Variants in PANK2 observed in about 807,000 individuals in gnomAD.
PANK2 encodes the protein pantothenate kinase 2, mitochondrial.
PANK2 carries 36 observed loss-of-function variants against 43.1 expected under a neutral mutation model. The ratio of observed to expected loss-of-function variants is 0.84; its 90% CI spans 0.64 to 1.10. The LOEUF is 1.10. PANK2 is among the 50% of genes least tolerant of loss of function. PANK2 has a pLI of 0.00. For synonymous variants in PANK2, 281 were observed against 238.2 expected (o/e 1.18, Z -1.66); for missense variants, 576 against 593.3 (o/e 0.97, Z 0.30).
In PANK2 at chr20:3,927,305, A is replaced by C. The variant is rs2090736091; in HGVS notation, c.*4011A>C. 6.6e-6 allele frequency: 1 copy of C among 152,208 alleles called. No individual in the cohort carries two copies. The highest frequency in any genetic ancestry group is 2.4e-5 in the African/African-American group (1 of 41,454). 9.4% of individuals were successfully genotyped at this position (152,208 alleles called of 1,614,324 possible). ...CCCTCTGTTCAAAGGCATATGCACA[A>C]CACTATTTTTCAAAATTTGCTTTTA... On this transcript the variant is annotated 3_prime_UTR_variant, in exon 7 of 7. Transcript: ENST00000610179.
At chr20:3,903,581 TC>T (rs1279833648) in intron 1 of PANK2, among the ~76,000 whole-genome samples, 2 of 149,078 alleles carry the variant, frequency 1.3e-5, no homozygotes, top group African/African-American at 4.9e-5. Context: ...TTCTCCTGCC[TC>T]AGCCTCCCAA....
chr20:3,925,053 G>C lies in PANK2; in HGVS notation c.*1759G>C, dbSNP rs1161796904. On this transcript the variant is annotated 3_prime_UTR_variant, in exon 7 of 7. Coordinates refer to ENST00000610179, the MANE Select transcript of PANK2 (RefSeq NM_001386393.1). The stretch of plus-strand genomic sequence containing the variant: ...GAGTAAGGCTGCCCAGGGTCACTCA[G>C]CTGGAAAAGAGTAGAGCTGGACTCA... The C allele has an allele frequency of 6.6e-6, 1 of 152,386 alleles. No individual in the cohort carries two copies. Among genetic ancestry groups the C allele is most frequent in the Admixed American group, 6.5e-5 (1 of 15,286 alleles). 9.4% of individuals were successfully genotyped at this position (152,386 alleles called of 1,614,324 possible).
chr20:3,889,910 CGGG>C, intron 1 of PANK2, 182 bp downstream of exon 1: 1 of 1,532,170 alleles, frequency 6.5e-7, no homozygotes, highest in Admixed American at 2.0e-5. Context: ...GCGGTACCTT[CGGG>C]GGCCCCCCCG....
intron 6 of PANK2, among the ~76,000 whole-genome samples, chr20:3,922,995 C>G (rs1310566182): frequency 6.6e-6 from 1 of 152,146 alleles, no homozygotes; most frequent in Non-Finnish European, 1.5e-5. Context: ...GCCCTCACTG[C>G]GGGTTTGGTT....
rs748467775 is a variant in PANK2 at position 3,908,014 on chromosome 20, G to T, written c.387G>T (p.Glu129Asp). ...AAGACATCACTGCTGAAGAAGAAGA[G>T]GAAGAAGTGGAAAGTCTTAAAAGCA... The change falls in exon 2 of 7, where the codon GAG (glutamate) becomes GAT (aspartate). Residue 129 changes from glutamate to aspartate, a missense_variant. Transcript: ENST00000610179. 6.8e-6 allele frequency: 11 copies of T among 1,614,146 alleles called. No homozygotes were observed. In the South Asian group the frequency reaches 1.2e-4, roughly 18 times the overall value.
intron 4 of PANK2, among the ~76,000 whole-genome samples, chr20:3,916,290 T>C (rs1027000380): frequency 6.6e-6 from 1 of 152,222 alleles, no homozygotes; most frequent in Non-Finnish European, 1.5e-5. Context: ...CTTTTACTAA[T>C]AGAAAAATCA....
At chr20:3,912,344 C>A in intron 3 of PANK2, 114 bp from the exon 4 acceptor site, 1 of 1,117,966 alleles carries the variant, frequency 8.9e-7, no homozygotes, top group Non-Finnish European at 1.3e-6. Context: ...CTACCAGTGG[C>A]ATTTGCATGA....
intron 5 of PANK2, among the ~76,000 whole-genome samples, chr20:3,918,255 AT>A (rs1162009208): frequency 2.6e-5 from 4 of 151,694 alleles, no homozygotes; most frequent in Non-Finnish European, 5.9e-5. Flanking sequence ...TAGGTCTAAA[AT>A]TTTACTTTTG....
intron 2 of PANK2, among the ~76,000 whole-genome samples, chr20:3,910,027 A>G (rs893916713): frequency 6.6e-6 from 1 of 152,182 alleles, no homozygotes; most frequent in African/African-American, 2.4e-5. Context: ...CCTCCCTCCC[A>G]AGAGGCTGTA....
intron 1 of PANK2, among the ~76,000 whole-genome samples, chr20:3,903,695 T>G (rs941418006): frequency 1.3e-5 from 2 of 150,614 alleles, no homozygotes; most frequent in Non-Finnish European, 3.0e-5. Context: ...TGGTGTGATC[T>G]CGGCTCACTG....
chr20:3,902,606 AG>A (rs2090319578), intron 1 of PANK2, among the ~76,000 whole-genome samples: 1 of 149,968 alleles, frequency 6.7e-6, no homozygotes, highest in Non-Finnish European at 1.5e-5. Flanking sequence ...TTTAAAGTAG[AG>A]ATGGGGTCTG....
Position 3,910,578 on chromosome 20 carries a change from T to C in PANK2, c.653T>C (p.Ile218Thr), listed in dbSNP as rs1482525989. 1.2e-6 allele frequency: 2 copies of C among 1,614,108 alleles called. No individual in the cohort carries two copies. The highest frequency in any genetic ancestry group is 2.2e-5 in the South Asian group (2 of 91,076). Residue 218 changes from isoleucine (I) to threonine (T), a missense_variant and splice_region_variant, in exon 3 of 7, where the codon ATA (isoleucine) becomes ACA (threonine). Transcript: ENST00000610179. ...GAGTACATTCTTATTTCATTACAGATAGGTGATCTTCAGCTTTGCAAACTG... is the reference window on the plus strand; with the variant it reads ...GAGTACATTCTTATTTCATTACAGACAGGTGATCTTCAGCTTTGCAAACTG...
chr20:3,899,498 A>G (rs553625564), intron 1 of PANK2, among the ~76,000 whole-genome samples: 4 of 145,896 alleles, frequency 2.7e-5, no homozygotes, highest in South Asian at 4.3e-4. Flanking sequence ...CCAGAGTTCT[A>G]TTTGTGTTTA....
intron 1 of PANK2, among the ~76,000 whole-genome samples, chr20:3,893,651 T>A (rs1475758589): frequency 6.6e-6 from 1 of 152,172 alleles, no homozygotes; most frequent in Non-Finnish European, 1.5e-5. Context: ...GATTTTGGAC[T>A]CCTACAAATC....
At chr20:3,889,232 T>G, upstream of PANK2, 1 of 1,613,338 alleles carries the variant, frequency 6.2e-7, no homozygotes, top group South Asian at 1.1e-5. Context: ...CCCCGCCCCG[T>G]CACGATAGCC....
upstream of PANK2, chr20:3,888,959 G>GTTAT: frequency 3.4e-6 from 2 of 580,812 alleles, no homozygotes; most frequent in Admixed American, 3.5e-5. Flanking sequence ...CAGACGCTGC[G>GTTAT]GGAGCACTGC....
upstream of PANK2, chr20:3,889,118 C>T: frequency 6.4e-7 from 1 of 1,550,832 alleles, no homozygotes; most frequent in South Asian, 1.2e-5. Context: ...GGCTCGGGCC[C>T]TTCCACCCAC....
intron 5 of PANK2, 98 bp from the exon 6 acceptor site, chr20:3,918,573 T>C: frequency 6.5e-7 from 1 of 1,528,944 alleles, no homozygotes; most frequent in Non-Finnish European, 9.1e-7. Flanking sequence ...AGTCAAATTG[T>C]TGCTAAGAGC....
At chr20:3,892,419 A>T (rs971490372) in intron 1 of PANK2, among the ~76,000 whole-genome samples, 5 of 151,496 alleles carry the variant, frequency 3.3e-5, no homozygotes, top group Non-Finnish European at 5.9e-5. Flanking sequence ...CTTATCTCTG[A>T]GAGAATTCAA....
Sources: gnomAD v4.1 joint callset for allele counts (sites outside exome capture counted in the v4.1 genomes callset) on GRCh38, gnomAD v4.1.1 for gene constraint, MANE v1.5 for transcripts, NCBI Gene and HGNC (gene_info 2026-07-23, HGNC 2026-07-21) for gene names.